The following DOCK6 variants were observed in gnomAD, a reference collection of about 807,000 sequenced individuals.
DOCK6 encodes dedicator of cytokinesis 6, also known as dedicator of cytokinesis protein 6.
A neutral mutation model predicts 230.3 loss-of-function variants in DOCK6; 167 were observed. The ratio of observed to expected loss-of-function variants is 0.73; its 90% CI spans 0.64 to 0.82. DOCK6 has a LOEUF of 0.82. Ranked by LOEUF, DOCK6 falls within the 40% of genes least tolerant of loss-of-function variation. The pLI is 0.00. For missense variants in DOCK6, 2,598 were observed against 2,825.8 expected (o/e 0.92, Z 1.83); for synonymous variants, 1,148 against 1,185.0 (o/e 0.97, Z 0.64).
chr19:11,241,210 C>T (rs972034852), intron 14 of DOCK6, among the ~76,000 whole-genome samples: 4 of 150,920 alleles, frequency 2.7e-5, no homozygotes, highest in African/African-American at 9.8e-5. Context: ...CGTGTCATTG[C>T]ACTCAGCCTG....
intron 21 of DOCK6, among the ~76,000 whole-genome samples, 192 bp from the exon 22 acceptor site, chr19:11,233,558 G>C (rs2079802266): frequency 6.6e-6 from 1 of 152,140 alleles, no homozygotes; most frequent in African/African-American, 2.4e-5. Flanking sequence ...AATAGGCCAG[G>C]TACAGTGGCT....
intron 6 of DOCK6, among the ~76,000 whole-genome samples, chr19:11,248,719 G>A (rs2080073495): frequency 6.6e-6 from 1 of 152,272 alleles, no homozygotes; most frequent in South Asian, 2.1e-4. Flanking sequence ...TACTCTGTCT[G>A]GGTTATACGT....
chr19:11,222,758 A>G lies in DOCK6; in HGVS notation c.3217T>C (p.Ser1073Pro). 1 of 1,577,740 alleles carries G rather than the reference A, an allele frequency of 6.3e-7. No individual in the cohort carries two copies. The highest frequency in any genetic ancestry group is 8.6e-7 in the Non-Finnish European group (1 of 1,161,980). Reference sequence around the variant, plus strand: ...ACCTGGGAGGTGGTGGAGGACACAGAGGGGGAGGGCGAGGCTGGAGGTGAC... The same window carrying G: ...ACCTGGGAGGTGGTGGAGGACACAGGGGGGGAGGGCGAGGCTGGAGGTGAC... ...PLSPPASPSP[S>P]VSSTTSQSST... The change falls in exon 26 of 48, where the codon TCT becomes CCT. Residue 1073 changes from serine (S) to proline (P), a missense_variant. Physicochemically the swap from Ser to Pro is moderately conservative, Grantham distance 74. Coordinates refer to ENST00000294618, the MANE Select transcript of DOCK6 (RefSeq NM_020812.4). This position sits in a 1 kb window ranked among gnomAD's most constrained non-coding sequence, Gnocchi z 4.0.
intron 1 of DOCK6, among the ~76,000 whole-genome samples, chr19:11,261,429 T>C (rs1470362206): frequency 6.7e-6 from 1 of 148,510 alleles, no homozygotes; most frequent in South Asian, 2.2e-4. Flanking sequence ...TTCTGGTCTC[T>C]CTCCGCCACT....
rs1235814191 is a variant in DOCK6, at chr19:11,255,628, T to A, written c.45-1902A>T. 2.6e-5 allele frequency among the ~76,000 whole-genome samples: 4 copies of A among 152,256 alleles called. No homozygotes were observed. In the East Asian group the frequency reaches 7.7e-4, roughly 29 times the overall value. ...TCTTCTTCTACAACTTGCCCAAATC[T>A]GCTGAGTGAGGGGAAGCCCCAGGTC... On this transcript the variant is annotated intron_variant, in intron 1 of 47. Coordinates refer to ENST00000294618, the MANE Select transcript of DOCK6 (RefSeq NM_020812.4).
In DOCK6 at chr19:11,243,505, G is replaced by C; in HGVS notation, c.1258+52C>G. ...CGCCCCGTAGCCCCGCCCCAGGCCT[G>C]TCAGCACCACCCTTTAGCCCCGCCC... On this transcript the variant is annotated intron_variant, in intron 11 of 47. Coordinates refer to ENST00000294618, the MANE Select transcript of DOCK6 (RefSeq NM_020812.4). This position sits in a 1 kb window ranked among gnomAD's most constrained non-coding sequence, Gnocchi z 6.3. The C allele has an allele frequency of 6.4e-7, 1 of 1,552,758 alleles. No homozygotes were observed. Among genetic ancestry groups the C allele is most frequent in the Non-Finnish European group, 8.7e-7 (1 of 1,150,040 alleles).
At chr19:11,237,944 G>T in intron 16 of DOCK6, 101 bp downstream of exon 16, 1 of 1,457,708 alleles carries the variant, frequency 6.9e-7, no homozygotes, top group Non-Finnish European at 9.4e-7. Context: ...TCTTCTTCCT[G>T]TCCCCCATCT....
chr19:11,211,090 C>T (rs146918262), intron 37 of DOCK6, among the ~76,000 whole-genome samples: 4 of 151,772 alleles, frequency 2.6e-5, no homozygotes, highest in East Asian at 2.0e-4. Context: ...AGCATCTCCC[C>T]GCTTCCTCTA....
In DOCK6 at chr19:11,223,094, C is replaced by T. The variant is rs769901992; in HGVS notation, c.2968G>A (p.Ala990Thr). 1.9e-6 allele frequency: 3 copies of T among 1,613,292 alleles called. No individual in the cohort carries two copies. In the South Asian group the frequency reaches 3.3e-5, roughly 18 times the overall value. The change falls in exon 25 of 48, where the codon GCC (alanine) becomes ACC (threonine). Residue 990 changes from alanine (A) to threonine (T), a missense_variant. By Grantham distance (58) the Ala-to-Thr change is moderately conservative (BLOSUM62 0). Coordinates refer to ENST00000294618, the MANE Select transcript of DOCK6 (RefSeq NM_020812.4). ...ITRVHKDVEL[A>T]EHLNASLAFF... ...GCCAGGCTGGCGTTGAGGTGCTCGG[C>T]CAGCTCCACATCCTGGGGACACAGG...
chr19:11,252,460 G>A (rs2080132773), intron 4 of DOCK6, 22 bp downstream of exon 4: 2 of 1,613,516 alleles, frequency 1.2e-6, no homozygotes, highest in Admixed American at 1.7e-5. Context: ...AACCCCCTGA[G>A]CTGCCCCTAA....
chr19:11,229,204 C>T, intron 22 of DOCK6, 169 bp from the exon 23 acceptor site: 1 of 1,304,102 alleles, frequency 7.7e-7, no homozygotes, highest in Non-Finnish European at 1.0e-6. Flanking sequence ...CTGGGCTCGC[C>T]AGACCCCCCT....
Position 11,243,179 on chromosome 19 carries a change from T to TG in DOCK6, c.1387-28dup. On this transcript the variant is annotated intron_variant, in intron 12 of 47. Coordinates refer to ENST00000294618, the MANE Select transcript of DOCK6 (RefSeq NM_020812.4). The surrounding 1 kb of genome is among the most constrained non-coding windows in gnomAD (Gnocchi z 6.3). Reference sequence around the variant, plus strand: ...TACATGGGACCCACTCCCGTCAGCCTGGGCCAGGGGGCTAGGGGTCCCCAG... The same window carrying TG: ...TACATGGGACCCACTCCCGTCAGCCTGGGGCCAGGGGGCTAGGGGTCCCCAG... The TG allele has an allele frequency of 6.2e-7, 1 of 1,613,020 alleles. No homozygotes were observed. Among genetic ancestry groups the TG allele is most frequent in the Non-Finnish European group, 8.5e-7 (1 of 1,179,068 alleles).
chr19:11,237,698 G>A lies in DOCK6; in HGVS notation c.1914C>T (p.Tyr638=). 1 of 1,593,224 alleles carries A rather than the reference G, an allele frequency of 6.3e-7. No individual in the cohort carries two copies. The highest frequency in any genetic ancestry group is 8.5e-7 in the Non-Finnish European group (1 of 1,170,486). The change falls in exon 17 of 48, where the codon TAC becomes TAT. Residue 638 remains tyrosine (Y), a synonymous_variant. Coordinates refer to ENST00000294618, the MANE Select transcript of DOCK6 (RefSeq NM_020812.4). ...CCGGCCGGGGCTGGCAGCTGACATG[G>A]TAGAAGGTGAACAGCAGGTGATGGT... is the stretch of plus-strand genomic sequence containing the variant. The part of the protein sequence containing the change: ...TENHHLLFTF[Y]HVSCQPRPGT...
At chr19:11,214,800 G>A (rs190506299) in intron 32 of DOCK6, among the ~76,000 whole-genome samples, 151 bp from the exon 33 acceptor site, 20 of 152,062 alleles carry the variant, frequency 1.3e-4, no homozygotes, top group Admixed American at 1.2e-3. Context: ...TCTGAGACAG[G>A]GTCTTGCTCT....
intron 1 of DOCK6, among the ~76,000 whole-genome samples, chr19:11,257,884 C>G (rs182866369): frequency 6.6e-6 from 1 of 152,096 alleles, no homozygotes; most frequent in East Asian, 1.9e-4. Context: ...TCACATGAGG[C>G]CAGGAGTTCA....
In DOCK6 at chr19:11,199,357, C is replaced by T. The variant is rs1568659314; in HGVS notation, c.*140G>A. On this transcript the variant is annotated 3_prime_UTR_variant, in exon 48 of 48. Coordinates refer to ENST00000294618, the MANE Select transcript of DOCK6 (RefSeq NM_020812.4). ...AAGCATCAGTGCACACAGATGGGGA[C>T]ACAGGGGCAGAGGGCCCAGCCCCAA... 1 of 1,022,894 alleles carries T rather than the reference C, an allele frequency of 9.8e-7. No homozygotes were observed. The highest frequency in any genetic ancestry group is 1.5e-6 in the Non-Finnish European group (1 of 675,642). The allele number at this position is 1,022,894 out of a possible 1,614,324, so 63.4% of individuals were successfully genotyped here.
chr19:11,200,830 G>C lies in DOCK6; in HGVS notation c.5833-8C>G. 1 of 1,612,850 alleles carries C rather than the reference G, an allele frequency of 6.2e-7. No individual in the cohort carries two copies. Among genetic ancestry groups the C allele is most frequent in the Non-Finnish European group, 8.5e-7 (1 of 1,178,948 alleles). On this transcript the variant is annotated splice_polypyrimidine_tract_variant and splice_region_variant and intron_variant, in intron 45 of 47. Transcript: ENST00000294618. The surrounding 1 kb of genome is among the most constrained non-coding windows in gnomAD (Gnocchi z 4.3). Reference sequence around the variant, plus strand: ...GGCCACCTCCAGGGGACCCTGTGGGGTGAGAGGGACTGGTGAGCCAGCCTG... The same window carrying C: ...GGCCACCTCCAGGGGACCCTGTGGGCTGAGAGGGACTGGTGAGCCAGCCTG...
chr19:11,215,974 G>A (rs750771118), intron 30 of DOCK6, 47 bp from the exon 31 acceptor site: 58 of 1,608,810 alleles, frequency 3.6e-5, no homozygotes, highest in African/African-American at 1.3e-4. Context: ...TGCTCTTTTC[G>A]GGGGGACCTG....
rs756047379 is a variant in DOCK6, at chr19:11,236,502, T to C, written c.2236A>G (p.Thr746Ala). ...TCCACGTTGCCCTCGCTCAGCACAG[T>C]GTCCTTGAGCCGGAATGGGAAGGCT... ...EGAFPFRLKD[T>A]VLSEGNVEQE... The change falls in exon 20 of 48, where the codon ACT becomes GCT. Residue 746 changes from threonine to alanine, a missense_variant. Thr to Ala is a moderately conservative substitution (Grantham distance 58). Coordinates refer to ENST00000294618, the MANE Select transcript of DOCK6 (RefSeq NM_020812.4). This position sits in a 1 kb window ranked among gnomAD's most constrained non-coding sequence, Gnocchi z 5.2. 2.5e-6 allele frequency: 4 copies of C among 1,604,052 alleles called. No homozygotes were observed. Among genetic ancestry groups the C allele is most frequent in the African/African-American group, 1.3e-5 (1 of 74,760 alleles).
Sources: gnomAD v4.1 joint callset for allele counts (sites outside exome capture counted in the v4.1 genomes callset) on GRCh38, gnomAD v4.1.1 for gene constraint, Gnocchi (gnomAD v3.1) non-coding constraint, MANE v1.5 for transcripts, NCBI Gene and HGNC (gene_info 2026-07-23, HGNC 2026-07-21) for gene names.